Variants in MIPOL1 observed in about 807,000 individuals in gnomAD.
The protein encoded by MIPOL1 is mirror-image polydactyly 1, also known as mirror-image polydactyly gene 1 protein.
A neutral mutation model predicts 60.9 loss-of-function variants in MIPOL1; 57 were observed. The ratio of observed to expected loss-of-function variants is 0.94; its 90% CI spans 0.76 to 1.17. MIPOL1 has a LOEUF of 1.17. MIPOL1 is among the 50% of genes most tolerant of loss of function. The pLI is 0.00. For missense variants in MIPOL1, 551 were observed against 511.6 expected (o/e 1.08, Z -0.74); for synonymous variants, 179 against 168.8 (o/e 1.06, Z -0.47).
intron 12 of MIPOL1, among the ~76,000 whole-genome samples, chr14:37,543,311 T>G (rs575931438): frequency 6.6e-6 from 1 of 152,250 alleles, no homozygotes; most frequent in Non-Finnish European, 1.5e-5. Flanking sequence ...AGTCTTGGTC[T>G]GTTGCCCAGG....
At chr14:37,413,959 TAGTG>T (rs2093721738) in intron 10 of MIPOL1, among the ~76,000 whole-genome samples, 1 of 152,194 alleles carries the variant, frequency 6.6e-6, no homozygotes, top group Non-Finnish European at 1.5e-5. Flanking sequence ...TATTTACAAT[TAGTG>T]AGATAAAGGA....
At chr14:37,442,630 A>G (rs995327895) in intron 11 of MIPOL1, among the ~76,000 whole-genome samples, 14 of 151,768 alleles carry the variant, frequency 9.2e-5, no homozygotes, top group Non-Finnish European at 1.9e-4. Flanking sequence ...GTACCCCCGA[A>G]TCTAAAATAA....
At chr14:37,362,107 A>C (rs1324471362) in intron 9 of MIPOL1, among the ~76,000 whole-genome samples, 1 of 152,156 alleles carries the variant, frequency 6.6e-6, no homozygotes, top group Non-Finnish European at 1.5e-5. Flanking sequence ...TAGCTCATTT[A>C]CATTTAAGGT....
intron 11 of MIPOL1, among the ~76,000 whole-genome samples, chr14:37,452,111 G>A (rs945911715): frequency 1.3e-5 from 2 of 151,924 alleles, no homozygotes; most frequent in Non-Finnish European, 2.9e-5. Context: ...CACCGCGCCC[G>A]GCCTGTTTAT....
intron 9 of MIPOL1, among the ~76,000 whole-genome samples, chr14:37,320,249 G>T (rs2153446266): frequency 6.6e-6 from 1 of 152,240 alleles, no homozygotes; most frequent in East Asian, 1.9e-4. Context: ...TTTTTCCAAA[G>T]TTGTGCCAGT....
chr14:37,332,698 G>GCAACCA (rs55694438), intron 9 of MIPOL1, among the ~76,000 whole-genome samples: 147,817 of 152,090 alleles, frequency 0.97, 71,886 homozygotes, highest in East Asian at 1. Flanking sequence ...GAAATGGCAG[G>GCAACCA]CAATTTTAGT....
At chr14:37,546,839 C>G (rs10151200) in intron 12 of MIPOL1, 66 bp from the exon 13 acceptor site, 777,883 of 1,274,354 alleles carry the variant, frequency 0.61, 239,146 homozygotes, top group East Asian at 0.85. Context: ...CTTTATCAGC[C>G]AGGACATTCT....
chr14:37,238,796 A>T (rs2153339537), intron 1 of MIPOL1, among the ~76,000 whole-genome samples: 1 of 151,620 alleles, frequency 6.6e-6, no homozygotes, highest in African/African-American at 2.4e-5. Context: ...CAAAAAAAAA[A>T]AAAAAAAATT....
At chr14:37,421,666 C>T (rs2093875012) in intron 10 of MIPOL1, among the ~76,000 whole-genome samples, 1 of 151,940 alleles carries the variant, frequency 6.6e-6, no homozygotes, top group Admixed American at 6.6e-5. Flanking sequence ...TAGAATTTAC[C>T]AGTTCAGAGA....
At chr14:37,467,672 G>A (rs956932696) in intron 11 of MIPOL1, among the ~76,000 whole-genome samples, 5 of 152,136 alleles carry the variant, frequency 3.3e-5, no homozygotes, top group Admixed American at 6.5e-5. Flanking sequence ...TTGTGAGCAG[G>A]TCTTAAGAAA....
At chr14:37,274,714 G>A (rs1459417793) in intron 6 of MIPOL1, among the ~76,000 whole-genome samples, 3 of 151,218 alleles carry the variant, frequency 2.0e-5, no homozygotes, top group South Asian at 2.1e-4. Context: ...GCCTCACTAA[G>A]CATTAGTTAA....
chr14:37,367,825 A>G (rs550624284), intron 9 of MIPOL1, among the ~76,000 whole-genome samples: 65 of 152,196 alleles, frequency 4.3e-4, no homozygotes, highest in South Asian at 3.5e-3. Context: ...AGTACACACG[A>G]TAGTACAGTT....
intron 3 of MIPOL1, among the ~76,000 whole-genome samples, chr14:37,250,439 C>G (rs375742519): frequency 1.3e-5 from 2 of 151,980 alleles, no homozygotes; most frequent in Admixed American, 6.6e-5. Context: ...CCCAGCTACT[C>G]GGTAGTCTGA....
At chr14:37,362,692 CT>C (rs2092317127) in intron 9 of MIPOL1, among the ~76,000 whole-genome samples, 1 of 152,152 alleles carries the variant, frequency 6.6e-6, no homozygotes, top group Non-Finnish European at 1.5e-5. Context: ...GGATAATATC[CT>C]GAAGAGTGTT....
At chr14:37,348,959 C>A (rs901981857) in intron 9 of MIPOL1, among the ~76,000 whole-genome samples, 1 of 139,992 alleles carries the variant, frequency 7.1e-6, no homozygotes, top group Non-Finnish European at 1.5e-5. Flanking sequence ...CTCGTACAGG[C>A]GGTGCCACCA....
At chr14:37,321,133 G>A (rs1445496211) in intron 9 of MIPOL1, among the ~76,000 whole-genome samples, 1 of 151,890 alleles carries the variant, frequency 6.6e-6, no homozygotes, top group Non-Finnish European at 1.5e-5. Flanking sequence ...GGATTGCATG[G>A]CCTCTAAAGA....
At chr14:37,261,345 T>G (rs1224081558) in intron 3 of MIPOL1, among the ~76,000 whole-genome samples, 1 of 152,006 alleles carries the variant, frequency 6.6e-6, no homozygotes, top group Non-Finnish European at 1.5e-5. Context: ...TTTTTCCCCA[T>G]AGTTGCTAAC....
intron 11 of MIPOL1, among the ~76,000 whole-genome samples, chr14:37,468,000 G>C (rs1376184427): frequency 1.3e-5 from 2 of 150,482 alleles, no homozygotes; most frequent in Non-Finnish European, 3.0e-5. Context: ...GTTGTAGTGA[G>C]CCGAGATCAT....
chr14:37,440,364 T>G (rs2094222461), intron 11 of MIPOL1, among the ~76,000 whole-genome samples: 1 of 152,174 alleles, frequency 6.6e-6, no homozygotes, highest in South Asian at 2.1e-4. Flanking sequence ...TTTTAGGGTA[T>G]CCATCACCTG....
Sources: gnomAD v4.1 joint callset for allele counts (sites outside exome capture counted in the v4.1 genomes callset) on GRCh38, gnomAD v4.1.1 for gene constraint, MANE v1.5 for transcripts, NCBI Gene and HGNC (gene_info 2026-07-23, HGNC 2026-07-21) for gene names.